The following SPATS2 variants were observed in gnomAD, a reference collection of about 807,000 sequenced individuals.
SPATS2 encodes spermatogenesis associated serine rich 2, also known as spermatogenesis-associated serine-rich protein 2.
In SPATS2, 38 loss-of-function variants were observed where a neutral mutation model predicts 63.7. That is an observed-to-expected ratio of 0.60 (90% CI 0.46 to 0.78). SPATS2 has a LOEUF of 0.78. Ranked by LOEUF, SPATS2 falls within the 30% of genes least tolerant of loss-of-function variation. The probability of loss-of-function intolerance (pLI) is 0.00; values close to 1 mark genes in which losing one functional copy is unlikely to be tolerated. For missense variants in SPATS2, 588 were observed against 666.2 expected, an observed-to-expected ratio of 0.88 and a Z score of 1.29; for synonymous variants, 207 against 232.9, an observed-to-expected ratio of 0.89 and a Z score of 1.01.
chr12:49,430,241 C>T (rs1592387415), intron 2 of SPATS2, among the ~76,000 whole-genome samples: 1 of 150,818 alleles, frequency 6.6e-6, no homozygotes. Flanking sequence ...GCTGGGATTA[C>T]AGCACGCCAC....
At chr12:49,445,580 C>T (rs1048595776) in intron 2 of SPATS2, among the ~76,000 whole-genome samples, 6 of 151,984 alleles carry the variant, frequency 3.9e-5, no homozygotes, top group African/African-American at 1.2e-4. Flanking sequence ...TGTAGTGGCG[C>T]GATCTTGGGT....
rs373436290 is a variant in SPATS2, at chr12:49,475,270, C to T, written c.26-9320C>T. Among the ~76,000 whole-genome samples the T allele has an allele frequency of 2.6e-5, 4 of 152,044 alleles. No homozygotes were observed. In the South Asian group the frequency reaches 6.2e-4, roughly 24 times the overall value. The stretch of plus-strand genomic sequence containing the variant: ...CTTTATAGATAAAGGTAAAACTAAA[C>T]CATAATATTTAGGGATATATGCTTA... On this transcript the variant is annotated intron_variant, in intron 3 of 13. Coordinates refer to ENST00000552918, the MANE Select transcript of SPATS2 (RefSeq NM_023071.4).
At chr12:49,429,577 C>T (rs1010192635) in intron 2 of SPATS2, among the ~76,000 whole-genome samples, 1 of 151,952 alleles carries the variant, frequency 6.6e-6, no homozygotes, top group African/African-American at 2.4e-5. Context: ...TCCTGAGCAG[C>T]TAGGGTTACA....
chr12:49,420,393 A>G (rs1944959652), intron 2 of SPATS2, among the ~76,000 whole-genome samples: 1 of 152,134 alleles, frequency 6.6e-6, no homozygotes, highest in Non-Finnish European at 1.5e-5. Flanking sequence ...GAGGAGTTTG[A>G]GACCAGCCTG....
chr12:49,370,842 G>T (rs1258626088), intron 1 of SPATS2, among the ~76,000 whole-genome samples: 1 of 152,028 alleles, frequency 6.6e-6, no homozygotes, highest in Non-Finnish European at 1.5e-5. Context: ...GAGTGCAGTG[G>T]TACAATCATG....
chr12:49,511,141 C>T lies in SPATS2; in HGVS notation c.840-3414C>T, dbSNP rs61329523. 3.9e-5 allele frequency among the ~76,000 whole-genome samples: 6 copies of T among 151,960 alleles called. No individual in the cohort carries two copies. In the South Asian group the frequency reaches 6.2e-4, roughly 16 times the overall value. ...ACTTGAACCCAGGAGGCAGAGATTG[C>T]CATGAGCCAACATCATGCTATTGTA... On this transcript the variant is annotated intron_variant, in intron 9 of 13. Coordinates refer to ENST00000552918, the MANE Select transcript of SPATS2 (RefSeq NM_023071.4).
chr12:49,369,128 C>T (rs933854302), intron 1 of SPATS2, among the ~76,000 whole-genome samples: 7 of 149,708 alleles, frequency 4.7e-5, no homozygotes, highest in Non-Finnish European at 1.0e-4. Context: ...CTCCATCTCC[C>T]GGGTTCAAGC....
At chr12:49,479,200 C>A (rs531052121) in intron 3 of SPATS2, among the ~76,000 whole-genome samples, 23 of 152,316 alleles carry the variant, frequency 1.5e-4, no homozygotes, top group African/African-American at 5.3e-4. Context: ...CATGGGCGGG[C>A]CTGGAAAAGG....
At chr12:49,516,012 C>T (rs947488255) in intron 10 of SPATS2, among the ~76,000 whole-genome samples, 2 of 150,324 alleles carry the variant, frequency 1.3e-5, no homozygotes, top group Non-Finnish European at 3.0e-5. Flanking sequence ...TGGTGGCACA[C>T]GCCTGTAGTC....
intron 4 of SPATS2, among the ~76,000 whole-genome samples, chr12:49,485,159 G>A (rs779206437): frequency 6.7e-5 from 10 of 149,462 alleles, no homozygotes; most frequent in Non-Finnish European, 8.9e-5. Context: ...TCTGCCTTCC[G>A]GGTTCGCGCC....
At chr12:49,374,958 CAAAAAAAAAAAAAA>C (rs10687716) in intron 2 of SPATS2, among the ~76,000 whole-genome samples, 1 of 24,742 alleles carries the variant, frequency 4.0e-5, no homozygotes, top group African/African-American at 1.3e-4. Context: ...GGATCTGTCT[CAAAAAAAAAAAAAA>C]AAAAAAAAAA....
intron 2 of SPATS2, among the ~76,000 whole-genome samples, chr12:49,447,626 TTGTG>T (rs1412257697): frequency 1.3e-5 from 2 of 152,186 alleles, no homozygotes; most frequent in Non-Finnish European, 2.9e-5. Context: ...TTGTGCTTTT[TTGTG>T]TGTGTGTGGG....
intron 4 of SPATS2, among the ~76,000 whole-genome samples, chr12:49,487,000 A>G (rs1300493930): frequency 6.6e-6 from 1 of 152,052 alleles, no homozygotes; most frequent in Non-Finnish European, 1.5e-5. Context: ...TCTTAACCAA[A>G]TTTTTAGTTC....
At position 49,527,277 on chromosome 12, in the gene SPATS2, TTTTG is replaced by T. The variant is rs1319298997; in HGVS notation, c.*1025_*1028del. 5 of 152,258 alleles carry T rather than the reference TTTTG, an allele frequency of 3.3e-5. No homozygotes were observed. The highest frequency in any genetic ancestry group is 7.4e-5 in the Non-Finnish European group (5 of 68,014). 9.4% of individuals were successfully genotyped at this position (152,258 alleles called of 1,614,324 possible). On this transcript the variant is annotated 3_prime_UTR_variant, in exon 14 of 14. Transcript: ENST00000552918. ...TGTTTTAATGTTTGGAGACTTTTTTTTTTGTTCTCTCCCTTTCCTGAACCCTATT... is the reference window on the plus strand; with the variant it reads ...TGTTTTAATGTTTGGAGACTTTTTTTTTCTCTCCCTTTCCTGAACCCTATT...
intron 2 of SPATS2, among the ~76,000 whole-genome samples, chr12:49,443,630 G>A (rs1425705542): frequency 6.6e-6 from 1 of 151,626 alleles, no homozygotes; most frequent in Non-Finnish European, 1.5e-5. Flanking sequence ...TAGCCATTTG[G>A]GTCTGTGATC....
intron 2 of SPATS2, among the ~76,000 whole-genome samples, chr12:49,450,590 C>T (rs918315771): frequency 6.6e-6 from 1 of 152,088 alleles, no homozygotes; most frequent in Non-Finnish European, 1.5e-5. Flanking sequence ...GTTGCCCAGG[C>T]TGGAGCGCAA....
At chr12:49,421,525 A>T (rs556119154) in intron 2 of SPATS2, among the ~76,000 whole-genome samples, 2 of 152,286 alleles carry the variant, frequency 1.3e-5, no homozygotes, top group Non-Finnish European at 2.9e-5. Flanking sequence ...AATCCCACAG[A>T]ATCAGATAAC....
At chr12:49,411,292 C>T (rs1468258714) in intron 2 of SPATS2, among the ~76,000 whole-genome samples, 1 of 151,886 alleles carries the variant, frequency 6.6e-6, no homozygotes, top group Non-Finnish European at 1.5e-5. Context: ...AGAGAACACA[C>T]CAGCAAGAAG....
rs909833272 is a variant in SPATS2, at chr12:49,509,774, G to A, written c.840-4781G>A. Among the ~76,000 whole-genome samples the A allele has an allele frequency of 4.1e-5, 6 of 146,326 alleles. No homozygotes were observed. In the East Asian group the frequency reaches 6.0e-4, roughly 15 times the overall value. On this transcript the variant is annotated intron_variant, in intron 9 of 13. Coordinates refer to ENST00000552918, the MANE Select transcript of SPATS2 (RefSeq NM_023071.4). ...AGACGTTGCAGTGAGCCAAGATCACGTCACTGCACTCCAGCCTGGGCAACA... is the reference window on the plus strand; with the variant it reads ...AGACGTTGCAGTGAGCCAAGATCACATCACTGCACTCCAGCCTGGGCAACA...
Sources: gnomAD v4.1 joint callset for allele counts (sites outside exome capture counted in the v4.1 genomes callset) on GRCh38, gnomAD v4.1.1 for gene constraint, MANE v1.5 for transcripts, NCBI Gene and HGNC (gene_info 2026-07-23, HGNC 2026-07-21) for gene names.